Variants in PDE4D observed in about 807,000 individuals in gnomAD.
PDE4D encodes phosphodiesterase 4D, also known as 3',5'-cyclic-AMP phosphodiesterase 4D.
Under a neutral mutation model 87.4 loss-of-function variants are expected in PDE4D, and 24 were observed. The observed-to-expected ratio is 0.27, with a 90% CI of 0.20 to 0.39. PDE4D has a LOEUF of 0.39. Among genes scored for constraint, PDE4D ranks in the 10% least tolerant of loss-of-function variants. PDE4D has a pLI of 1.00. For synonymous variants in PDE4D, 384 were observed against 383.2 expected (o/e 1.00, Z -0.02); for missense variants, 714 against 1,041.0 (o/e 0.69, Z 4.32).
At chr5:60,140,738 G>C (rs866996030) in intron 2 of PDE4D, among the ~76,000 whole-genome samples, 6 of 152,150 alleles carry the variant, frequency 3.9e-5, no homozygotes, top group Middle Eastern at 3.4e-3. Context: ...GTACCCTAGA[G>C]GTAAACTGTA....
intron 1 of PDE4D, among the ~76,000 whole-genome samples, chr5:59,803,600 C>A (rs1170243522): frequency 6.6e-6 from 1 of 152,176 alleles, no homozygotes; most frequent in East Asian, 1.9e-4. Context: ...CACCTGGCCC[C>A]AGCAATGAGT....
intron 1 of PDE4D, among the ~76,000 whole-genome samples, chr5:60,379,451 A>G (rs1761691783): frequency 6.6e-6 from 1 of 152,206 alleles, no homozygotes; most frequent in Admixed American, 6.5e-5. Context: ...GACATGGTCC[A>G]CAGGTCTATT....
At chr5:60,383,088 A>G (rs1761975121) in intron 1 of PDE4D, among the ~76,000 whole-genome samples, 2 of 152,188 alleles carry the variant, frequency 1.3e-5, no homozygotes, top group South Asian at 4.1e-4. Flanking sequence ...AAAACACCAC[A>G]TTCTATAATT....
intron 2 of PDE4D, among the ~76,000 whole-genome samples, chr5:60,025,879 C>T (rs1766570527): frequency 6.6e-6 from 1 of 152,140 alleles, no homozygotes; most frequent in African/African-American, 2.4e-5. Flanking sequence ...GAGACCCTGT[C>T]TCAGAAACAA....
intron 1 of PDE4D, among the ~76,000 whole-genome samples, chr5:59,566,323 T>C (rs183379190): frequency 4.3e-4 from 65 of 152,228 alleles, no homozygotes; most frequent in Middle Eastern, 3.4e-3. Context: ...TCTGCTGCCT[T>C]TATATTAAAC....
chr5:59,611,413 C>A (rs1449923764), intron 1 of PDE4D, among the ~76,000 whole-genome samples: 2 of 152,098 alleles, frequency 1.3e-5, no homozygotes, highest in African/African-American at 2.4e-5. Flanking sequence ...AGGACACAAG[C>A]AGTCAGATGA....
At chr5:58,992,879 G>C (rs970673499) in intron 7 of PDE4D, among the ~76,000 whole-genome samples, 2 of 152,092 alleles carry the variant, frequency 1.3e-5, no homozygotes, top group African/African-American at 4.8e-5. Flanking sequence ...AGGTACAAGA[G>C]TTGTCCCAGG....
intron 2 of PDE4D, among the ~76,000 whole-genome samples, chr5:60,154,701 C>G (rs1002207789): frequency 6.6e-6 from 1 of 152,176 alleles, no homozygotes; most frequent in Non-Finnish European, 1.5e-5. Context: ...ATTATCAGCA[C>G]CCAGAAGTCC....
intron 1 of PDE4D, among the ~76,000 whole-genome samples, chr5:59,579,839 C>A (rs1327225645): frequency 1.5e-4 from 23 of 152,154 alleles, no homozygotes; most frequent in Admixed American, 1.5e-3. Flanking sequence ...AATATATCGT[C>A]CAGAGAGGCA....
At chr5:59,338,885 GA>G (rs1215782963) in intron 1 of PDE4D, among the ~76,000 whole-genome samples, 2 of 151,972 alleles carry the variant, frequency 1.3e-5, no homozygotes, top group African/African-American at 2.4e-5. Context: ...ATAATTTAGA[GA>G]AAAAACCTCA....
intron 1 of PDE4D, among the ~76,000 whole-genome samples, chr5:60,316,571 T>G (rs1755624635): frequency 6.6e-6 from 1 of 152,216 alleles, no homozygotes; most frequent in African/African-American, 2.4e-5. Flanking sequence ...GTGCCAGTTT[T>G]CAAAGGGAAT....
intron 1 of PDE4D, among the ~76,000 whole-genome samples, chr5:59,792,669 A>G (rs1765947216): frequency 6.6e-6 from 1 of 152,192 alleles, no homozygotes; most frequent in African/African-American, 2.4e-5. Flanking sequence ...ACTACAAAAT[A>G]AGGCCTCTTT....
intron 3 of PDE4D, among the ~76,000 whole-genome samples, chr5:59,899,705 G>T (rs575729938): frequency 4.4e-4 from 67 of 152,218 alleles, no homozygotes; most frequent in Non-Finnish European, 7.9e-4. Context: ...TGGTAGAGTG[G>T]CCTGAAGGAA....
chr5:59,324,808 C>T (rs1335907671), intron 1 of PDE4D, among the ~76,000 whole-genome samples: 17 of 152,094 alleles, frequency 1.1e-4, no homozygotes, highest in Non-Finnish European at 7.4e-5. Flanking sequence ...GTTACAGCTG[C>T]AAGCATTCTC....
intron 1 of PDE4D, among the ~76,000 whole-genome samples, chr5:60,453,032 T>C (rs984944253): frequency 8.5e-5 from 13 of 152,112 alleles, no homozygotes; most frequent in African/African-American, 3.1e-4. Flanking sequence ...TTAAAAATCA[T>C]ATTTTTATTT....
At chr5:59,671,386 A>G (rs927490981) in intron 1 of PDE4D, among the ~76,000 whole-genome samples, 7 of 152,228 alleles carry the variant, frequency 4.6e-5, no homozygotes, top group African/African-American at 1.7e-4. Context: ...TATAAAAATA[A>G]GCTTGGGGTG....
At chr5:59,235,825 T>G in intron 1 of PDE4D, among the ~76,000 whole-genome samples, 1 of 152,162 alleles carries the variant, frequency 6.6e-6, no homozygotes, top group Admixed American at 6.5e-5. Flanking sequence ...TTAATCATCC[T>G]AACAATATTG....
chr5:60,280,889 G>A (rs1347350705), intron 1 of PDE4D, among the ~76,000 whole-genome samples: 4 of 152,164 alleles, frequency 2.6e-5, no homozygotes, highest in Admixed American at 6.5e-5. Context: ...TCTATCTGGT[G>A]TAATTCTTAG....
chr5:59,802,670 C>T (rs1450084850), intron 1 of PDE4D, among the ~76,000 whole-genome samples: 1 of 151,966 alleles, frequency 6.6e-6, no homozygotes, highest in East Asian at 1.9e-4. Flanking sequence ...GTGTTGGGAT[C>T]ACAGGTGTGA....
Sources: gnomAD v4.1 joint callset for allele counts (sites outside exome capture counted in the v4.1 genomes callset) on GRCh38, gnomAD v4.1.1 for gene constraint, MANE v1.5 for transcripts, NCBI Gene and HGNC (gene_info 2026-07-23, HGNC 2026-07-21) for gene names.